Variants in N4BP3 observed in about 807,000 individuals in gnomAD.
N4BP3 encodes the protein NEDD4-binding protein 3.
A neutral mutation model predicts 43.8 loss-of-function variants in N4BP3; 33 were observed. The observed-to-expected ratio is 0.75, with a 90% CI of 0.57 to 1.01. The LOEUF (loss-of-function observed/expected upper bound fraction) is 1.01. Ranked by LOEUF, N4BP3 falls within the 50% of genes least tolerant of loss-of-function variation. N4BP3 has a pLI of 0.00. For missense variants in N4BP3, 756 were observed against 744.2 expected, an observed-to-expected ratio of 1.02 and a Z score of -0.18; for synonymous variants, 326 against 321.9, an observed-to-expected ratio of 1.01 and a Z score of -0.14.
intron 1 of N4BP3, among the ~76,000 whole-genome samples, chr5:178,116,176 G>T (rs563712456): frequency 5.8e-4 from 83 of 143,726 alleles, no homozygotes; most frequent in African/African-American, 1.8e-3. Context: ...AATCCCCTCC[G>T]CCTGCACAGC....
Position 178,121,563 on chromosome 5 carries a change from C to G in N4BP3, c.1197C>G (p.Phe399Leu), listed in dbSNP as rs754041098. ...TGGCCCAGAAGCTGGCGGAGATCTT[C>G]AGTCTGAAGACACAACTTCGGGGCA... ...AELAQKLAEI[F>L]SLKTQLRGSR... The change falls in exon 5 of 5, where the codon TTC becomes TTG. Residue 399 changes from phenylalanine to leucine, a missense_variant. Physicochemically the swap from Phe to Leu is conservative, Grantham distance 22 (BLOSUM62 0). Coordinates refer to ENST00000274605, the MANE Select transcript of N4BP3 (RefSeq NM_015111.2). 6.2e-7 allele frequency: 1 copy of G among 1,613,694 alleles called. No individual in the cohort carries two copies. The highest frequency in any genetic ancestry group is 8.5e-7 in the Non-Finnish European group (1 of 1,180,002).
chr5:178,120,696 G>A lies in N4BP3; in HGVS notation c.849G>A (p.Thr283=). The A allele has an allele frequency of 8.8e-6, 14 of 1,582,344 alleles. No individual in the cohort carries two copies. Among genetic ancestry groups the A allele is most frequent in the East Asian group, 2.2e-5 (1 of 44,594 alleles). Residue 283 remains threonine, a synonymous_variant, in exon 3 of 5, where the codon ACG becomes ACA. Coordinates refer to ENST00000274605, the MANE Select transcript of N4BP3 (RefSeq NM_015111.2). ...ATGAGGACGGCTCCAACCCCTTCACGCAGGTGAGGGAGCCCCTGCCCTGGA... is the reference window on the plus strand; with the variant it reads ...ATGAGGACGGCTCCAACCCCTTCACACAGGTGAGGGAGCCCCTGCCCTGGA... ...LGDEDGSNPF[T]QVLEERQRLW...
intron 2 of N4BP3, 130 bp from the exon 3 acceptor site, chr5:178,120,048 C>A: frequency 6.8e-7 from 1 of 1,467,946 alleles, no homozygotes; most frequent in African/African-American, 1.4e-5. Context: ...GAGGTTTGTT[C>A]ACTGCCTCCT....
At chr5:178,120,819 G>GT (rs1757903246) in intron 3 of N4BP3, 120 bp downstream of exon 3, 1 of 1,355,686 alleles carries the variant, frequency 7.4e-7, no homozygotes, top group African/African-American at 1.5e-5. Context: ...AAGAAAGGGG[G>GT]AGCTGGCTTG....
chr5:178,121,148 T>A lies in N4BP3; in HGVS notation c.903T>A (p.Tyr301Ter). The change falls in exon 4 of 5, where the codon TAT becomes TAA. Residue 301 changes from tyrosine to a stop codon, truncating the protein, a stop_gained. Coordinates refer to ENST00000274605, the MANE Select transcript of N4BP3 (RefSeq NM_015111.2). LOFTEE classifies it high-confidence loss of function. Reference sequence around the variant, plus strand: ...GGCTGGCTGAGCTGAAGCGCCTGTATGTGGAGCGGCTGCACGAGGTGACCC... The same window carrying A: ...GGCTGGCTGAGCTGAAGCGCCTGTAAGTGGAGCGGCTGCACGAGGTGACCC... ...RLWLAELKRL[Y>*]VERLHEVTQK... 2 of 1,600,310 alleles carry A rather than the reference T, an allele frequency of 1.2e-6. No individual in the cohort carries two copies. The highest frequency in any genetic ancestry group is 1.7e-6 in the Non-Finnish European group (2 of 1,178,868).
Position 178,121,359 on chromosome 5 carries a change from G to C in N4BP3, c.1107+7G>C, listed in dbSNP as rs755095774. 3 of 1,603,050 alleles carry C rather than the reference G, an allele frequency of 1.9e-6. No individual in the cohort carries two copies. The African/African-American group carries it at 4.0e-5, about 21-fold the overall frequency. On this transcript the variant is annotated splice_region_variant and intron_variant, in intron 4 of 4. Transcript: ENST00000274605. ...GGAGGAAGCCCGATGGGAGGTGAGA[G>C]ATGACACAGGGCTCCGAGACTCTCC... is the stretch of plus-strand genomic sequence containing the variant.
chr5:178,126,998 T>C (rs1168858097), downstream of N4BP3, among the ~76,000 whole-genome samples: 1 of 152,242 alleles, frequency 6.6e-6, no homozygotes, highest in African/African-American at 2.4e-5. Context: ...CTCCTGTGCA[T>C]GTATGTAATA....
chr5:178,121,054 C>G (rs1300763457), intron 3 of N4BP3, 44 bp from the exon 4 acceptor site: 1 of 1,579,266 alleles, frequency 6.3e-7, no homozygotes, highest in South Asian at 1.1e-5. Context: ...TGAGTCGCCT[C>G]TAGGGGGCAG....
intron 1 of N4BP3, among the ~76,000 whole-genome samples, chr5:178,115,199 G>C (rs1440936962): frequency 6.6e-6 from 1 of 152,214 alleles, no homozygotes; most frequent in African/African-American, 2.4e-5. Context: ...GTAGACTGCG[G>C]TGCAGCCGTG....
chr5:178,119,245 C>T (rs373404146), intron 1 of N4BP3, among the ~76,000 whole-genome samples: 7 of 152,224 alleles, frequency 4.6e-5, no homozygotes, highest in African/African-American at 4.8e-5. Context: ...TATCCCCTCC[C>T]GGTACTTCTG....
In N4BP3 at chr5:178,123,495, C is replaced by G. The variant is rs1167320682; in HGVS notation, c.*1494C>G. The G allele has an allele frequency of 6.6e-6, 1 of 152,656 alleles. No homozygotes were observed. Among genetic ancestry groups the G allele is most frequent in the African/African-American group, 2.4e-5 (1 of 41,466 alleles). 9.5% of individuals were successfully genotyped at this position (152,656 alleles called of 1,614,324 possible). A position where few individuals can be genotyped will look rare whatever the true frequency, so the allele number is the denominator to read the frequency against. ...GCCCCACCTCACTCCCTTTGGCTAC[C>G]CTGGCCGTGCCTGGCAGCCCCTCAG... On this transcript the variant is annotated 3_prime_UTR_variant, in exon 5 of 5. Coordinates refer to ENST00000274605, the MANE Select transcript of N4BP3 (RefSeq NM_015111.2).
Position 178,122,334 on chromosome 5 carries a change from G to C in N4BP3, c.*333G>C, listed in dbSNP as rs1757953890. 1.1e-5 allele frequency: 3 copies of C among 265,664 alleles called. No individual in the cohort carries two copies. Among genetic ancestry groups the C allele is most frequent in the Non-Finnish European group, 2.1e-5 (3 of 139,578 alleles). The allele number at this position is 265,664 out of a possible 1,614,324, so 16.5% of individuals were successfully genotyped here. ...AGAGAGGCTGGAGACCTGGGCTGGG[G>C]CCTTCCTCCAGGGAAGGAGGCTGGG... On this transcript the variant is annotated 3_prime_UTR_variant, in exon 5 of 5. Coordinates refer to ENST00000274605, the MANE Select transcript of N4BP3 (RefSeq NM_015111.2).
downstream of N4BP3, among the ~76,000 whole-genome samples, chr5:178,126,245 C>T (rs1758062420): frequency 6.7e-6 from 1 of 150,350 alleles, no homozygotes; most frequent in Non-Finnish European, 1.5e-5. Context: ...GTGGCGTGAC[C>T]TCAGCTCACT....
In N4BP3 at chr5:178,121,234, AGCGGCGCCTGCGCAAGGAGCT is replaced by A. The variant is rs760533041; in HGVS notation, c.994_1014del (p.Arg332_Arg338del). The A allele has an allele frequency of 1.6e-5, 26 of 1,603,994 alleles. No homozygotes were observed. The highest frequency in any genetic ancestry group is 1.8e-5 in the Non-Finnish European group (21 of 1,176,576). Reference sequence around the variant, plus strand: ...CAGCTGTTTATGGCTCAGCAGGAGCAGCGGCGCCTGCGCAAGGAGCTGCGGGCTCAGCAGGGCCTGGCTCCG... The same window carrying A: ...CAGCTGTTTATGGCTCAGCAGGAGCAGCGGGCTCAGCAGGGCCTGGCTCCG... On this transcript the variant is annotated inframe_deletion, in exon 4 of 5. Coordinates refer to ENST00000274605, the MANE Select transcript of N4BP3 (RefSeq NM_015111.2).
At chr5:178,119,945 T>C (rs1013981392) in intron 2 of N4BP3, 32 bp downstream of exon 2, 1 of 1,551,776 alleles carries the variant, frequency 6.4e-7, no homozygotes, top group Admixed American at 1.8e-5. Context: ...TTACAAGGTG[T>C]GGGGAGGGTG....
rs915627067 is a variant in N4BP3 at position 178,125,405 on chromosome 5, A to C, written c.*3404A>C. On this transcript the variant is annotated 3_prime_UTR_variant, in exon 5 of 5. Transcript: ENST00000274605. ...AGGGGCCTCCATGGTGGCATGGGTC[A>C]GCAGAGCATGGAGCAGGCAGAGGAA... 6.6e-6 allele frequency: 1 copy of C among 152,450 alleles called. No individual in the cohort carries two copies. The highest frequency in any genetic ancestry group is 1.5e-5 in the Non-Finnish European group (1 of 68,194). The allele number at this position is 152,450 out of a possible 1,614,324, so 9.4% of individuals were successfully genotyped here.
At chr5:178,117,427 CCTTT>C (rs1344653517) in intron 1 of N4BP3, among the ~76,000 whole-genome samples, 1 of 152,028 alleles carries the variant, frequency 6.6e-6, no homozygotes, top group Non-Finnish European at 1.5e-5. Flanking sequence ...AGTCACTTCA[CCTTT>C]CTGAGCCCCA....
chr5:178,119,639 TGGAAC>T lies in N4BP3; in HGVS notation c.59_63del (p.Glu20AlafsTer6). The T allele has an allele frequency of 6.3e-7, 1 of 1,586,034 alleles. No homozygotes were observed. The highest frequency in any genetic ancestry group is 8.6e-7 in the Non-Finnish European group (1 of 1,165,852). On this transcript the variant is annotated frameshift_variant, in exon 2 of 5. Transcript: ENST00000274605. LOFTEE classifies it high-confidence loss of function. The stretch of plus-strand genomic sequence containing the variant: ...GCCATGGGCAGCGTGGGCAGCCTGT[TGGAAC>T]GGCAGGACTTCTCCCCTGAAGAGCT...
rs1758045351 is a variant in N4BP3 at position 178,125,673 on chromosome 5, C to T, written c.*3672C>T. The T allele has an allele frequency of 6.6e-6, 1 of 152,238 alleles. No homozygotes were observed. The highest frequency in any genetic ancestry group is 6.5e-5 in the Admixed American group (1 of 15,284). 9.4% of individuals were successfully genotyped at this position (152,238 alleles called of 1,614,324 possible). On this transcript the variant is annotated 3_prime_UTR_variant, in exon 5 of 5. Transcript: ENST00000274605. ...GCTGGAGGGCCATGGGAGTTCCCAG[C>T]TGGCTCACTCATCCGTCCAGGAGGT...
Sources: gnomAD v4.1 joint callset for allele counts (sites outside exome capture counted in the v4.1 genomes callset) on GRCh38, gnomAD v4.1.1 for gene constraint, MANE v1.5 for transcripts, NCBI Gene and HGNC (gene_info 2026-07-23, HGNC 2026-07-21) for gene names.